The following CAMKMT variants were observed in gnomAD, a reference collection of about 807,000 sequenced individuals.
CAMKMT encodes the protein CaM KMT.
A neutral mutation model predicts 48.0 loss-of-function variants in CAMKMT; 53 were observed. That is an observed-to-expected ratio of 1.10 (90% CI 0.89 to 1.39). The LOEUF (loss-of-function observed/expected upper bound fraction) is 1.39. Ranked by LOEUF, CAMKMT falls within the 40% of genes most tolerant of loss-of-function variation. CAMKMT has a pLI of 0.00. For synonymous variants in CAMKMT, 165 were observed against 152.3 expected (o/e 1.08, Z -0.61); for missense variants, 428 against 402.7 (o/e 1.06, Z -0.54).
At chr2:44,587,239 C>T (rs1252295760) in intron 3 of CAMKMT, among the ~76,000 whole-genome samples, 1 of 152,078 alleles carries the variant, frequency 6.6e-6, no homozygotes, top group Non-Finnish European at 1.5e-5. Context: ...GAAGAAGTGA[C>T]TTCTTAACAA....
At chr2:44,414,564 G>A (rs1255046067) in intron 3 of CAMKMT, among the ~76,000 whole-genome samples, 3 of 152,126 alleles carry the variant, frequency 2.0e-5, no homozygotes, top group Non-Finnish European at 1.5e-5. Flanking sequence ...GACAGAGAGT[G>A]GACACCCAAG....
intron 3 of CAMKMT, among the ~76,000 whole-genome samples, chr2:44,638,130 T>A (rs1430860421): frequency 6.6e-6 from 1 of 151,764 alleles, no homozygotes; most frequent in Admixed American, 6.6e-5. Context: ...TAAATTTACA[T>A]GAATATTTAT....
intron 3 of CAMKMT, among the ~76,000 whole-genome samples, chr2:44,611,156 G>T (rs1671575350): frequency 6.6e-6 from 1 of 152,180 alleles, no homozygotes. Context: ...TCAGGGCTGG[G>T]CATGGTGGCT....
Position 44,421,743 on chromosome 2 carries a change from G to A in CAMKMT, c.376+31438G>A, listed in dbSNP as rs75301174. 1.1e-3 allele frequency among the ~76,000 whole-genome samples: 164 copies of A among 152,220 alleles called. 3 individuals carry two copies. The East Asian group carries it at 0.03, about 28-fold the overall frequency. ...AAAACAGAGAAAACTTAGGGTACAC[G>A]AATCAATTATGGTTTTTAGAACAAC... is the stretch of plus-strand genomic sequence containing the variant. On this transcript the variant is annotated intron_variant, in intron 3 of 10. Coordinates refer to ENST00000378494, the MANE Select transcript of CAMKMT (RefSeq NM_024766.5).
chr2:44,594,659 A>G (rs951122274), intron 3 of CAMKMT, among the ~76,000 whole-genome samples: 8 of 152,214 alleles, frequency 5.3e-5, no homozygotes, highest in African/African-American at 1.9e-4. Context: ...ACAAAAATTA[A>G]CTCAAGATGG....
intron 3 of CAMKMT, among the ~76,000 whole-genome samples, chr2:44,510,175 T>C (rs1057272491): frequency 2.0e-5 from 3 of 152,240 alleles, no homozygotes; most frequent in Non-Finnish European, 1.5e-5. Flanking sequence ...TTCTGGTCCA[T>C]GATCCAATCC....
intron 3 of CAMKMT, among the ~76,000 whole-genome samples, chr2:44,566,941 G>A (rs1668647294): frequency 2.6e-5 from 4 of 152,194 alleles, no homozygotes; most frequent in Admixed American, 1.3e-4. Flanking sequence ...AGGGAGATAA[G>A]AGTCTATGGT....
intron 3 of CAMKMT, among the ~76,000 whole-genome samples, chr2:44,525,317 G>A (rs1184289961): frequency 6.6e-6 from 1 of 151,996 alleles, no homozygotes; most frequent in Non-Finnish European, 1.5e-5. Flanking sequence ...GTGCAGTGGT[G>A]TGATCTCAGC....
chr2:44,390,274 C>T lies in CAMKMT; in HGVS notation c.345C>T (p.Val115=). 6.2e-7 allele frequency: 1 copy of T among 1,609,908 alleles called. No individual in the cohort carries two copies. Among genetic ancestry groups the T allele is most frequent in the Non-Finnish European group, 8.5e-7 (1 of 1,178,210 alleles). The stretch of plus-strand genomic sequence containing the variant: ...GTGGATCCTTGAATGTTGAAGATGT[C>T]CTTACCAGCTTTGACAATACAGGAA... ...HNSGSLNVED[V]LTSFDNTGNV... The change falls in exon 3 of 11, where the codon GTC becomes GTT. Residue 115 remains valine, a synonymous_variant. Coordinates refer to ENST00000378494, the MANE Select transcript of CAMKMT (RefSeq NM_024766.5).
intron 7 of CAMKMT, among the ~76,000 whole-genome samples, chr2:44,724,814 A>G (rs374055459): frequency 6.6e-5 from 10 of 152,220 alleles, no homozygotes; most frequent in Non-Finnish European, 7.3e-5. Context: ...GGGATTCAAC[A>G]AGAAGCACAT....
intron 3 of CAMKMT, among the ~76,000 whole-genome samples, chr2:44,655,905 C>G (rs1261973797): frequency 1.3e-5 from 2 of 152,164 alleles, no homozygotes; most frequent in African/African-American, 4.8e-5. Flanking sequence ...AAACATCAGC[C>G]TCTTCTGGTA....
intron 6 of CAMKMT, among the ~76,000 whole-genome samples, chr2:44,713,717 T>G (rs1678010303): frequency 6.6e-6 from 1 of 152,154 alleles, no homozygotes; most frequent in African/African-American, 2.4e-5. Flanking sequence ...CCTAATTGAT[T>G]TTTCCTACCC....
At chr2:44,563,875 T>C (rs6715153) in intron 3 of CAMKMT, among the ~76,000 whole-genome samples, 3,546 of 152,288 alleles carry the variant, frequency 0.023, 152 homozygotes, top group African/African-American at 0.082. Flanking sequence ...CAGTCTGTCA[T>C]TGATGGACAT....
At chr2:44,508,868 G>T (rs1176753947) in intron 3 of CAMKMT, among the ~76,000 whole-genome samples, 1 of 152,170 alleles carries the variant, frequency 6.6e-6, no homozygotes, top group East Asian at 1.9e-4. Context: ...GGCCAAGGCA[G>T]GTGGATCACC....
At chr2:44,543,914 C>A (rs138024024) in intron 3 of CAMKMT, among the ~76,000 whole-genome samples, 1 of 151,994 alleles carries the variant, frequency 6.6e-6, no homozygotes, top group African/African-American at 2.4e-5. Flanking sequence ...ATAACCTGGT[C>A]GAGTTAGCAT....
At chr2:44,640,102 A>G (rs140190157) in intron 3 of CAMKMT, among the ~76,000 whole-genome samples, 24 of 152,340 alleles carry the variant, frequency 1.6e-4, no homozygotes, top group Admixed American at 2.6e-4. Flanking sequence ...CTGAATATTC[A>G]CATTAAACAA....
At chr2:44,540,171 T>C (rs548345868) in intron 3 of CAMKMT, among the ~76,000 whole-genome samples, 4 of 151,398 alleles carry the variant, frequency 2.6e-5, no homozygotes, top group South Asian at 4.2e-4. Flanking sequence ...TATATATATA[T>C]GTACATATGT....
intron 3 of CAMKMT, among the ~76,000 whole-genome samples, chr2:44,616,765 C>T (rs767374062): frequency 1.6e-5 from 2 of 123,058 alleles, no homozygotes; most frequent in African/African-American, 3.1e-5. Flanking sequence ...TTGCTACATA[C>T]AGGAGTTAAA....
At chr2:44,647,343 C>G (rs1471249808) in intron 3 of CAMKMT, among the ~76,000 whole-genome samples, 1 of 152,104 alleles carries the variant, frequency 6.6e-6, no homozygotes, top group Non-Finnish European at 1.5e-5. Flanking sequence ...TGGTTTATCA[C>G]TGGGAGACAG....
Sources: gnomAD v4.1 joint callset for allele counts (sites outside exome capture counted in the v4.1 genomes callset) on GRCh38, gnomAD v4.1.1 for gene constraint, MANE v1.5 for transcripts, NCBI Gene and HGNC (gene_info 2026-07-23, HGNC 2026-07-21) for gene names.